The following ZNF570 variants were observed in gnomAD, a reference collection of about 807,000 sequenced individuals.
ZNF570 encodes the protein zinc finger protein 570.
Under a neutral mutation model 14.2 loss-of-function variants are expected in ZNF570, and 8 were observed. The ratio of observed to expected loss-of-function variants is 0.56; its 90% confidence interval spans 0.33 to 1.02. ZNF570 has a LOEUF of 1.02. Ranked by LOEUF, ZNF570 falls within the 50% of genes least tolerant of loss-of-function variation. The pLI is 0.03. For missense variants in ZNF570, 559 were observed against 624.9 expected, an observed-to-expected ratio of 0.89 and a Z score of 1.12; for synonymous variants, 202 against 207.6, an observed-to-expected ratio of 0.97 and a Z score of 0.23.
At chr19:37,471,302 C>A (rs143527060) in intron 2 of ZNF570, among the ~76,000 whole-genome samples, 4 of 152,138 alleles carry the variant, frequency 2.6e-5, no homozygotes, top group South Asian at 2.1e-4. Flanking sequence ...CGTGAGCCAC[C>A]GCACCCGGCC....
rs1413671062 is a variant in ZNF570, at chr19:37,487,077, C to T, written c.*1844C>T. On this transcript the variant is annotated 3_prime_UTR_variant, in exon 5 of 5. Transcript: ENST00000330173. ...GTTAGCCAGGTGTGGTGGCGCACGC[C>T]TGTAATCCCAGCTACTCAGGAGGCT... 3.3e-5 allele frequency: 5 copies of T among 152,126 alleles called. No individual in the cohort carries two copies. In the South Asian group the frequency reaches 8.3e-4, roughly 25 times the overall value. The allele number at this position is 152,126 out of a possible 1,614,324, so 9.4% of individuals were successfully genotyped here.
chr19:37,478,599 C>T (rs1432142008), intron 4 of ZNF570, among the ~76,000 whole-genome samples: 1 of 143,046 alleles, frequency 7.0e-6, no homozygotes, highest in Non-Finnish European at 1.6e-5. Context: ...TGATAACAGG[C>T]ATTCTTGTCC....
chr19:37,479,451 A>C, intron 4 of ZNF570, among the ~76,000 whole-genome samples: 1 of 152,106 alleles, frequency 6.6e-6, no homozygotes, highest in African/African-American at 2.4e-5. Context: ...CCTTGAAAAT[A>C]ATATGTATTT....
chr19:37,480,345 G>A (rs1048064925), intron 4 of ZNF570, among the ~76,000 whole-genome samples: 4 of 151,974 alleles, frequency 2.6e-5, no homozygotes, highest in Non-Finnish European at 4.4e-5. Flanking sequence ...TTAGCTGGGC[G>A]TGGTGGCATG....
chr19:37,472,697 G>A (rs1205435019), intron 2 of ZNF570, among the ~76,000 whole-genome samples: 1 of 149,516 alleles, frequency 6.7e-6, no homozygotes, highest in Non-Finnish European at 1.5e-5. Flanking sequence ...AGCTGAGATG[G>A]TGCCATGGCA....
chr19:37,467,779 C>T (rs1160002285), upstream of ZNF570: 1 of 1,113,664 alleles, frequency 9.0e-7, no homozygotes, highest in African/African-American at 1.5e-5. Context: ...GGCGAGAGAC[C>T]CTGTCCAGTG....
At position 37,484,241 on chromosome 19, in the gene ZNF570, A is replaced by T. The variant is rs866957103; in HGVS notation, c.619A>T (p.Lys207Ter). The part of the protein sequence containing the change: ...RSFKKNLMAI[K>*]PKSVCAEKKL... The stretch of plus-strand genomic sequence containing the variant: ...CTTTAAAAAAAATTTAATGGCTATT[A>T]AGCCCAAGAGTGTCTGTGCAGAGAA... The change falls in exon 5 of 5, where the codon AAG becomes TAG. Residue 207 changes from lysine (K) to a stop codon, truncating the protein, a stop_gained. Coordinates refer to ENST00000330173, the MANE Select transcript of ZNF570 (RefSeq NM_144694.5). LOFTEE classifies it low-confidence loss of function (END_TRUNC). 6.2e-7 allele frequency: 1 copy of T among 1,614,022 alleles called. No homozygotes were observed. The highest frequency in any genetic ancestry group is 1.7e-4 in the Middle Eastern group (1 of 6,048).
At chr19:37,471,425 C>T (rs1327229201) in intron 2 of ZNF570, among the ~76,000 whole-genome samples, 2 of 152,126 alleles carry the variant, frequency 1.3e-5, no homozygotes, top group East Asian at 1.9e-4. Context: ...AGTCTCTAAC[C>T]AAAAACGTTC....
At position 37,469,403 on chromosome 19, in the gene ZNF570, G is replaced by T. The variant is rs755561146; in HGVS notation, c.-206G>T. 6.6e-7 allele frequency: 1 copy of T among 1,516,764 alleles called. No homozygotes were observed. Among genetic ancestry groups the T allele is most frequent in the Non-Finnish European group, 8.8e-7 (1 of 1,134,714 alleles). The allele number at this position is 1,516,764 out of a possible 1,614,324, so 94.0% of individuals were successfully genotyped here. On this transcript the variant is annotated 5_prime_UTR_variant, in exon 1 of 5. Coordinates refer to ENST00000330173, the MANE Select transcript of ZNF570 (RefSeq NM_144694.5). ...GCTGGGTTCCATCCAACTAAGGGTA[G>T]CGGTGAGACCCGAGTGCAGATTCCC...
Position 37,487,465 on chromosome 19 carries a change from CAG to C in ZNF570, c.*2233_*2234del, listed in dbSNP as rs1482190826. On this transcript the variant is annotated 3_prime_UTR_variant, in exon 5 of 5. Transcript: ENST00000330173. Reference sequence around the variant, plus strand: ...CACTGTTTTAGGTATGAGGAAATGACAGTGAGCAATACAAAGGCCACATTCTC... The same window carrying C: ...CACTGTTTTAGGTATGAGGAAATGACTGAGCAATACAAAGGCCACATTCTC... The C allele has an allele frequency of 3.3e-5, 5 of 152,044 alleles. No homozygotes were observed. Among genetic ancestry groups the C allele is most frequent in the Non-Finnish European group, 7.4e-5 (5 of 68,016 alleles). The allele number at this position is 152,044 out of a possible 1,614,324, so 9.4% of individuals were successfully genotyped here. A position where few individuals can be genotyped will look rare whatever the true frequency, so the allele number is the denominator to read the frequency against.
At chr19:37,478,046 A>C (rs1427536668) in intron 4 of ZNF570, among the ~76,000 whole-genome samples, 1 of 152,176 alleles carries the variant, frequency 6.6e-6, no homozygotes, top group African/African-American at 2.4e-5. Flanking sequence ...ATTCTTTAGA[A>C]TTTCTTGTTT....
chr19:37,487,600 G>A lies in ZNF570; in HGVS notation c.*2367G>A, dbSNP rs1002128615. 4.6e-5 allele frequency: 7 copies of A among 152,152 alleles called. No homozygotes were observed. The highest frequency in any genetic ancestry group is 1.4e-4 in the African/African-American group (6 of 41,430). 9.4% of individuals were successfully genotyped at this position (152,152 alleles called of 1,614,324 possible). On this transcript the variant is annotated 3_prime_UTR_variant, in exon 5 of 5. Coordinates refer to ENST00000330173, the MANE Select transcript of ZNF570 (RefSeq NM_144694.5). ...GAGTAACAAGAAACTAAATCAAGGAGCATTATATAGCCTAGACTGCAGAGA... is the reference window on the plus strand; with the variant it reads ...GAGTAACAAGAAACTAAATCAAGGAACATTATATAGCCTAGACTGCAGAGA...
rs2042146784 is a variant in ZNF570 at position 37,485,595 on chromosome 19, T to C, written c.*362T>C. 1 of 172,692 alleles carries C rather than the reference T, an allele frequency of 5.8e-6. No individual in the cohort carries two copies. The highest frequency in any genetic ancestry group is 1.7e-4 in the South Asian group (1 of 6,014). 10.7% of individuals were successfully genotyped at this position (172,692 alleles called of 1,614,324 possible). ...CACCACCATGCCTGGCTAATTTTTG[T>C]ATTTTTTAGTAGAGATGGGGTTTTG... On this transcript the variant is annotated 3_prime_UTR_variant, in exon 5 of 5. Coordinates refer to ENST00000330173, the MANE Select transcript of ZNF570 (RefSeq NM_144694.5).
chr19:37,470,185 GCT>G (rs2041931953), intron 1 of ZNF570, 117 bp from the exon 2 acceptor site: 2 of 819,188 alleles, frequency 2.4e-6, no homozygotes, highest in Non-Finnish European at 3.9e-6. Flanking sequence ...TCTCCATTAT[GCT>G]CTCTCTATTG....
In ZNF570 at chr19:37,469,463, G is replaced by C; in HGVS notation, c.-146G>C. 2 of 1,536,374 alleles carry C rather than the reference G, an allele frequency of 1.3e-6. No homozygotes were observed. Among genetic ancestry groups the C allele is most frequent in the Non-Finnish European group, 1.7e-6 (2 of 1,146,872 alleles). On this transcript the variant is annotated 5_prime_UTR_variant, in exon 1 of 5. Coordinates refer to ENST00000330173, the MANE Select transcript of ZNF570 (RefSeq NM_144694.5). ...GGGGCAGGAAGGAGATCTTCCACCA[G>C]TTCTGTTCTGCAGGTCGGGAGTGGG...
upstream of ZNF570, among the ~76,000 whole-genome samples, chr19:37,468,667 G>A (rs1215717849): frequency 6.6e-6 from 1 of 152,144 alleles, no homozygotes; most frequent in Non-Finnish European, 1.5e-5. Context: ...CACCACGCCC[G>A]GCTAATTTTT....
chr19:37,471,009 A>ATTT lies in ZNF570; in HGVS notation c.33+640_33+642dup, dbSNP rs764609936. ...GCTACCATGCCTGGCCAGTGAGTAC[A>ATTT]TTTTTTTTTTTTTTTTTTTTGTTGA... On this transcript the variant is annotated intron_variant, in intron 2 of 4. Transcript: ENST00000330173. 2.5e-3 allele frequency among the ~76,000 whole-genome samples: 210 copies of ATTT among 84,386 alleles called. 5 individuals carry two copies. Among genetic ancestry groups the ATTT allele is most frequent in the South Asian group, 0.02 (41 of 2,086 alleles). 55.4% of individuals were successfully genotyped at this position (84,386 alleles called of 152,430 possible). A position where few individuals can be genotyped will look rare whatever the true frequency, so the allele number is the denominator to read the frequency against.
At chr19:37,478,567 A>G (rs1430466361) in intron 4 of ZNF570, among the ~76,000 whole-genome samples, 2 of 142,164 alleles carry the variant, frequency 1.4e-5, no homozygotes, top group Non-Finnish European at 3.3e-5. Context: ...TCGTATCTCC[A>G]GTATAATATG....
chr19:37,483,594 A>G (rs566712140), intron 4 of ZNF570, among the ~76,000 whole-genome samples: 1 of 152,332 alleles, frequency 6.6e-6, no homozygotes, highest in East Asian at 1.9e-4. Flanking sequence ...TTCAGTGTCT[A>G]TTTTATGAAT....
Sources: allele counts gnomAD v4.1 joint callset (sites outside exome capture counted in the v4.1 genomes callset), GRCh38; gene constraint gnomAD v4.1.1; transcripts MANE v1.5; gene names NCBI Gene and HGNC (gene_info 2026-07-23, HGNC 2026-07-21).